ASCC1: variants seen among roughly 807,000 people sequenced by gnomAD.
ASCC1 encodes the protein activating signal cointegrator 1 complex subunit 1.
A neutral mutation model predicts 46.6 loss-of-function variants in ASCC1; 35 were observed. That is an observed-to-expected ratio of 0.75 (90% CI 0.57 to 0.99). The LOEUF (loss-of-function observed/expected upper bound fraction) is 0.99, where lower values mean the gene tolerates loss of function less well. Ranked by LOEUF, ASCC1 falls within the 50% of genes least tolerant of loss-of-function variation. The pLI is 0.00. For missense variants in ASCC1, 376 were observed against 428.7 expected, an observed-to-expected ratio of 0.88 and a Z score of 1.09; for synonymous variants, 143 against 146.6, an observed-to-expected ratio of 0.98 and a Z score of 0.18.
chr10:72,115,126 G>C (rs1843354649), intron 9 of ASCC1, among the ~76,000 whole-genome samples: 1 of 152,198 alleles, frequency 6.6e-6, no homozygotes, highest in African/African-American at 2.4e-5. Context: ...TGCTTTAAGA[G>C]TTTATTATAT....
chr10:72,120,653 A>G (rs1038280665), intron 9 of ASCC1, among the ~76,000 whole-genome samples: 1 of 152,078 alleles, frequency 6.6e-6, no homozygotes, highest in African/African-American at 2.4e-5. Context: ...AACCAAAGAT[A>G]AAGAAAAAAT....
At position 72,184,803 on chromosome 10, in the gene ASCC1, A is replaced by AAG. The variant is rs1389335875; in HGVS notation, c.489+12007_489+12008insCT. On this transcript the variant is annotated intron_variant, in intron 5 of 9. Coordinates refer to ENST00000672957, the MANE Select transcript of ASCC1 (RefSeq NM_001198800.3). ...AGACTCTATCTCAAAAAAAAAAAAA[A>AAG]AATTTATAACACAATAGTAAGAAAC... is the stretch of plus-strand genomic sequence containing the variant. Among the ~76,000 whole-genome samples, 4 of 151,956 alleles carry AAG rather than the reference A, an allele frequency of 2.6e-5. No individual in the cohort carries two copies. In the East Asian group the frequency reaches 7.7e-4, roughly 29 times the overall value.
chr10:72,179,249 C>T (rs1283127407), intron 5 of ASCC1, among the ~76,000 whole-genome samples: 2 of 152,164 alleles, frequency 1.3e-5, no homozygotes, highest in African/African-American at 4.8e-5. Context: ...GATTCACCTG[C>T]CTTGGCCTCC....
chr10:72,192,476 A>G (rs1006087006), intron 5 of ASCC1, among the ~76,000 whole-genome samples: 1 of 151,886 alleles, frequency 6.6e-6, no homozygotes, highest in Non-Finnish European at 1.5e-5. Flanking sequence ...AAAAGAAAGA[A>G]AGAAGAAAAG....
intron 3 of ASCC1, among the ~76,000 whole-genome samples, chr10:72,207,044 C>T (rs114353343): frequency 5.6e-4 from 86 of 152,284 alleles, no homozygotes; most frequent in African/African-American, 2.0e-3. Context: ...ATGCTATCCT[C>T]ATTAAACCTA....
chr10:72,155,818 C>T (rs537376480), intron 6 of ASCC1, among the ~76,000 whole-genome samples: 3 of 152,246 alleles, frequency 2.0e-5, no homozygotes, highest in African/African-American at 4.8e-5. Flanking sequence ...CAGCTCACTG[C>T]GCAGCCTTCT....
Position 72,097,386 on chromosome 10 carries a change from G to T in ASCC1, c.1022C>A (p.Thr341Asn). 6.2e-7 allele frequency: 1 copy of T among 1,614,016 alleles called. No individual in the cohort carries two copies. Among genetic ancestry groups the T allele is most frequent in the Non-Finnish European group, 8.5e-7 (1 of 1,179,908 alleles). Reference protein sequence around the residue: ...LNSIHISQRFTVDSFGNYASC... With the variant: ...LNSIHISQRFNVDSFGNYASC... Reference sequence around the variant, plus strand: ...AGCGTAGTTTCCAAAGCTGTCTACGGTGAACCTCTGAGAGATGTGAATTGA... The same window carrying T: ...AGCGTAGTTTCCAAAGCTGTCTACGTTGAACCTCTGAGAGATGTGAATTGA... The change falls in exon 10 of 10, where the codon ACC (threonine) becomes AAC (asparagine). Residue 341 changes from threonine (T) to asparagine (N), a missense_variant. Thr to Asn is a moderately conservative substitution (Grantham distance 65). Coordinates refer to ENST00000672957, the MANE Select transcript of ASCC1 (RefSeq NM_001198800.3).
In ASCC1 at chr10:72,106,947, A is replaced by C. The variant is rs16929680; in HGVS notation, c.958-9497T>G. Among the ~76,000 whole-genome samples, 49 of 152,348 alleles carry C rather than the reference A, an allele frequency of 3.2e-4. No homozygotes were observed. In the East Asian group the frequency reaches 6.8e-3, roughly 21 times the overall value. On this transcript the variant is annotated intron_variant, in intron 9 of 9. Transcript: ENST00000672957. ...AACAAATATGTACCAAAGAATGCCA[A>C]GTGGGGAAGCAGGTCCATCCTTAGG...
At chr10:72,133,513 G>A in intron 7 of ASCC1, 1 of 310,312 alleles carries the variant, frequency 3.2e-6, no homozygotes, top group Non-Finnish European at 6.2e-6. Context: ...AATAACACCA[G>A]GGAAGGAGGG....
At chr10:72,176,004 T>C (rs951104058) in intron 5 of ASCC1, among the ~76,000 whole-genome samples, 3 of 152,200 alleles carry the variant, frequency 2.0e-5, no homozygotes, top group Admixed American at 1.3e-4. Context: ...ATAATTACAA[T>C]TATAACAACA....
In ASCC1 at chr10:72,169,619, G is replaced by A. The variant is rs552988547; in HGVS notation, c.490-7945C>T. On this transcript the variant is annotated intron_variant, in intron 5 of 9. Transcript: ENST00000672957. Reference sequence around the variant, plus strand: ...GGGATGAAGGAGAAAGGGGCAGAAAGAATACAAGAATGTGTGACACTTCTG... The same window carrying A: ...GGGATGAAGGAGAAAGGGGCAGAAAAAATACAAGAATGTGTGACACTTCTG... 1.6e-4 allele frequency among the ~76,000 whole-genome samples: 24 copies of A among 152,240 alleles called. No homozygotes were observed. The East Asian group carries it at 3.9e-3, about 24-fold the overall frequency.
rs996153326 is a variant in ASCC1 at position 72,189,802 on chromosome 10, C to CAAAAAAA, written c.489+7002_489+7008dup. 2.0e-3 allele frequency: 332 copies of CAAAAAAA among 167,842 alleles called. 9 individuals are homozygous for CAAAAAAA. The East Asian group carries it at 0.021, about 11-fold the overall frequency. The allele number at this position is 167,842 out of a possible 1,614,324, so 10.4% of individuals were successfully genotyped here. A position where few individuals can be genotyped will look rare whatever the true frequency, so the allele number is the denominator to read the frequency against. ...GGGCAACAAGAGCGAAACTCCATCT[C>CAAAAAAA]AAAAAAAAAAAAAAAAAAAAAGAAC... On this transcript the variant is annotated intron_variant, in intron 5 of 9. Transcript: ENST00000672957.
At chr10:72,173,980 AG>A (rs909174436) in intron 5 of ASCC1, among the ~76,000 whole-genome samples, 2 of 152,262 alleles carry the variant, frequency 1.3e-5, no homozygotes, top group African/African-American at 2.4e-5. Flanking sequence ...GTGAAGTAAC[AG>A]GAATTTCCTG....
chr10:72,166,191 C>T (rs956081688), intron 5 of ASCC1, among the ~76,000 whole-genome samples: 5 of 152,184 alleles, frequency 3.3e-5, no homozygotes, highest in African/African-American at 1.2e-4. Context: ...GACCACCACC[C>T]AGAGGCAAGT....
chr10:72,126,253 T>C (rs1360036025), intron 9 of ASCC1, among the ~76,000 whole-genome samples: 1 of 152,196 alleles, frequency 6.6e-6, no homozygotes, highest in Non-Finnish European at 1.5e-5. Flanking sequence ...TTAGTAGATT[T>C]CATGTCAGAG....
At chr10:72,201,297 G>GA (rs1365838266) in intron 4 of ASCC1, among the ~76,000 whole-genome samples, 1 of 152,114 alleles carries the variant, frequency 6.6e-6, no homozygotes, top group African/African-American at 2.4e-5. Flanking sequence ...ACAGGTATAT[G>GA]CCACTGTCCC....
intron 3 of ASCC1, 124 bp downstream of exon 3, chr10:72,210,608 T>C: frequency 1.3e-6 from 1 of 765,528 alleles, no homozygotes; most frequent in East Asian, 2.7e-5. Flanking sequence ...TTTCAGGACA[T>C]AACACTACAC....
intron 5 of ASCC1, among the ~76,000 whole-genome samples, chr10:72,188,779 T>C (rs1853907060): frequency 6.6e-6 from 1 of 152,148 alleles, no homozygotes; most frequent in Non-Finnish European, 1.5e-5. Context: ...TATATTTATT[T>C]TGAGACAGGG....
rs558678376 is a variant in ASCC1, at chr10:72,099,608, G to A, written c.958-2158C>T. ...GGCTGAGGCAGCGGGATCACCTGAG[G>A]TTGGGAGTTCGAGACCAGCCTGCCC... On this transcript the variant is annotated intron_variant, in intron 9 of 9. Transcript: ENST00000672957. Among the ~76,000 whole-genome samples, 3 of 152,282 alleles carry A rather than the reference G, an allele frequency of 2.0e-5. No individual in the cohort carries two copies. In the South Asian group the frequency reaches 6.2e-4, roughly 32 times the overall value.
Sources: gnomAD v4.1 joint callset for allele counts (sites outside exome capture counted in the v4.1 genomes callset) on GRCh38, gnomAD v4.1.1 for gene constraint, MANE v1.5 for transcripts, NCBI Gene and HGNC (gene_info 2026-07-23, HGNC 2026-07-21) for gene names.